Variants in USP28 observed in about 807,000 individuals in gnomAD.
USP28 encodes the protein ubiquitin carboxyl-terminal hydrolase 28.
USP28 carries 113 observed loss-of-function variants against 145.0 expected under a neutral mutation model. The observed-to-expected ratio is 0.78, with a 90% CI of 0.67 to 0.91. The LOEUF (loss-of-function observed/expected upper bound fraction) is 0.91, where lower values mean the gene tolerates loss of function less well. USP28 is among the 40% of genes least tolerant of loss of function. The pLI is 0.00. For synonymous variants in USP28, 447 were observed against 450.9 expected (o/e 0.99, Z 0.11); for missense variants, 1,201 against 1,289.6 (o/e 0.93, Z 1.05).
At chr11:113,868,448 G>A (rs1276670340) in intron 1 of USP28, among the ~76,000 whole-genome samples, 1 of 150,794 alleles carries the variant, frequency 6.6e-6, no homozygotes, top group African/African-American at 2.4e-5. Flanking sequence ...TAGTCAAGTG[G>A]TAAGTCAGAA....
At chr11:113,865,470 A>G (rs778281158) in intron 1 of USP28, among the ~76,000 whole-genome samples, 2 of 152,234 alleles carry the variant, frequency 1.3e-5, no homozygotes, top group Admixed American at 1.3e-4. Context: ...TACGGTTATC[A>G]TAACAGTGTA....
chr11:113,869,739 C>T (rs1948633323), intron 1 of USP28, among the ~76,000 whole-genome samples: 1 of 152,170 alleles, frequency 6.6e-6, no homozygotes, highest in African/African-American at 2.4e-5. Context: ...TGTACATTCC[C>T]ATGCCTAGTA....
chr11:113,833,386 G>T, intron 7 of USP28, 34 bp downstream of exon 7: 1 of 1,603,810 alleles, frequency 6.2e-7, no homozygotes, highest in South Asian at 1.1e-5. Context: ...GACAAGGCAT[G>T]ACTTCAAACT....
chr11:113,868,034 G>A (rs1222107614), intron 1 of USP28, among the ~76,000 whole-genome samples: 3 of 152,084 alleles, frequency 2.0e-5, no homozygotes, highest in Middle Eastern at 3.2e-3. Context: ...CCTGTTTTAC[G>A]TAGAAAGCCT....
At position 113,803,171 on chromosome 11, in the gene USP28, C is replaced by G. The variant is rs749432580; in HGVS notation, c.2849G>C (p.Arg950Thr). The G allele has an allele frequency of 5.0e-6, 8 of 1,613,764 alleles. No individual in the cohort carries two copies. In the South Asian group the frequency reaches 7.7e-5, roughly 16 times the overall value. ...AACAGTACAAACCAGAAGGCATTTT[C>G]TTCGGTATAAAGCAATCACGGATTC... The change falls in exon 23 of 25, where the codon AGA (arginine) becomes ACA (threonine). Residue 950 changes from arginine (R) to threonine (T), a missense_variant. Transcript: ENST00000003302.
intron 3 of USP28, among the ~76,000 whole-genome samples, chr11:113,842,357 G>A (rs901819501): frequency 6.6e-6 from 1 of 151,946 alleles, no homozygotes; most frequent in Non-Finnish European, 1.5e-5. Flanking sequence ...AGGCCGAGGC[G>A]GGCGGATCAC....
chr11:113,846,236 T>G (rs915839937), intron 3 of USP28, among the ~76,000 whole-genome samples: 10 of 152,208 alleles, frequency 6.6e-5, no homozygotes, highest in African/African-American at 2.4e-4. Context: ...TGGATGGTGG[T>G]GACAGTTGCA....
intron 5 of USP28, among the ~76,000 whole-genome samples, chr11:113,838,403 C>T (rs2136113167): frequency 6.6e-6 from 1 of 152,294 alleles, no homozygotes; most frequent in Middle Eastern, 3.4e-3. Flanking sequence ...ATTCCTATTT[C>T]ATCTAGAATT....
intron 5 of USP28, among the ~76,000 whole-genome samples, chr11:113,838,963 G>A (rs776508962): frequency 1.2e-4 from 19 of 152,176 alleles, no homozygotes; most frequent in Non-Finnish European, 2.2e-4. Flanking sequence ...AGCACCAAGG[G>A]TTGCATTGGG....
chr11:113,817,755 G>GT lies in USP28; in HGVS notation c.1365dup (p.Pro456ThrfsTer9). On this transcript the variant is annotated frameshift_variant, in exon 13 of 25. Coordinates refer to ENST00000003302, the Ensembl canonical transcript of USP28. LOFTEE classifies it high-confidence loss of function. Reference sequence around the variant, plus strand: ...TCAGGTGGACAGCTTTCTGAGGCAGGTTTTGTACTAGCAAATTCAATAACA... The same window carrying GT: ...TCAGGTGGACAGCTTTCTGAGGCAGGTTTTTGTACTAGCAAATTCAATAACA... 6.2e-7 allele frequency: 1 copy of GT among 1,614,212 alleles called. No homozygotes were observed. Among genetic ancestry groups the GT allele is most frequent in the Non-Finnish European group, 8.5e-7 (1 of 1,180,042 alleles).
intron 1 of USP28, among the ~76,000 whole-genome samples, chr11:113,856,752 G>A (rs367685344): frequency 1.1e-4 from 17 of 151,656 alleles, no homozygotes; most frequent in African/African-American, 2.7e-4. Context: ...TCACTGTGTC[G>A]CCCAGGCTGG....
At chr11:113,864,438 G>T (rs567736445) in intron 1 of USP28, among the ~76,000 whole-genome samples, 5 of 152,266 alleles carry the variant, frequency 3.3e-5, no homozygotes, top group African/African-American at 9.6e-5. Flanking sequence ...CTCAAGATCT[G>T]CAGTTAGCAA....
exon 25 of USP28, chr11:113,798,136 G>A (rs1470240363): frequency 6.5e-5 from 9 of 137,598 alleles, no homozygotes; most frequent in East Asian, 2.1e-4. Flanking sequence ...AAAGAAGGCC[G>A]GGTACGATGA....
At position 113,831,879 on chromosome 11, in the gene USP28, T is replaced by C. The variant is rs376668488; in HGVS notation, c.833+41A>G. On this transcript the variant is annotated intron_variant, in intron 8 of 24. Transcript: ENST00000003302. ...CAGCATATAATTCTCACTGGCCCAC[T>C]GTGAGTCGGAAGGATGTACAAACAA... 3.0e-5 allele frequency: 47 copies of C among 1,583,632 alleles called. 1 individual carries two copies. Among genetic ancestry groups the C allele is most frequent in the Non-Finnish European group, 3.8e-5 (44 of 1,156,354 alleles).
At chr11:113,824,950 AG>A (rs35122344) in intron 11 of USP28, among the ~76,000 whole-genome samples, 10,382 of 149,260 alleles carry the variant, frequency 0.07, 425 homozygotes, top group Non-Finnish European at 0.086. Context: ...AAAAAAAAAA[AG>A]ATGTCAATTT....
intron 3 of USP28, among the ~76,000 whole-genome samples, chr11:113,851,537 T>G (rs1208374235): frequency 2.0e-5 from 3 of 152,180 alleles, no homozygotes; most frequent in Admixed American, 6.5e-5. Context: ...GGCTCACACC[T>G]GTAATCCTAG....
At position 113,812,430 on chromosome 11, in the gene USP28, A is replaced by G. The variant is rs762234987; in HGVS notation, c.1818T>C (p.Tyr606=). Residue 606 remains tyrosine, a synonymous_variant, in exon 16 of 25, where the codon TAT becomes TAC. Coordinates refer to ENST00000003302, the Ensembl canonical transcript of USP28. ...TGAGCCAGCTCTGTCGGGGTTGATT[A>G]TAGATATAGGCCCAATAGTGTCCAG... The G allele has an allele frequency of 1.9e-6, 3 of 1,614,022 alleles. No individual in the cohort carries two copies. The East Asian group carries it at 6.7e-5, about 36-fold the overall frequency.
At chr11:113,810,216 T>A (rs182278353) in intron 16 of USP28, among the ~76,000 whole-genome samples, 1 of 152,290 alleles carries the variant, frequency 6.6e-6, no homozygotes, top group East Asian at 1.9e-4. Context: ...AGGTTAGAGA[T>A]GAATTTCAAG....
intron 10 of USP28, among the ~76,000 whole-genome samples, chr11:113,827,986 C>T (rs1282284904): frequency 6.6e-6 from 1 of 152,104 alleles, no homozygotes; most frequent in Admixed American, 6.5e-5. Context: ...AATCAACCTA[C>T]GATGTTACTT....
Sources: gnomAD v4.1 joint callset for allele counts (sites outside exome capture counted in the v4.1 genomes callset) on GRCh38, gnomAD v4.1.1 for gene constraint, MANE v1.5 for transcripts, NCBI Gene and HGNC (gene_info 2026-07-23, HGNC 2026-07-21) for gene names.